Variants in RFX3 observed in about 807,000 individuals in gnomAD.
The protein encoded by RFX3 is transcription factor RFX3.
A neutral mutation model predicts 98.6 loss-of-function variants in RFX3; 14 were observed. The ratio of observed to expected loss-of-function variants is 0.14; its 90% confidence interval spans 0.09 to 0.22. The LOEUF is 0.22. Among genes scored for constraint, RFX3 ranks in the 10% least tolerant of loss-of-function variants. RFX3 has a pLI of 1.00. For missense variants in RFX3, 639 were observed against 926.9 expected (o/e 0.69, Z 4.03); for synonymous variants, 383 against 328.4 (o/e 1.17, Z -1.80).
At chr9:3,352,225 A>G (rs1342414657) in intron 2 of RFX3, among the ~76,000 whole-genome samples, 2 of 152,018 alleles carry the variant, frequency 1.3e-5, no homozygotes, top group African/African-American at 2.4e-5. Flanking sequence ...ATGAATATAT[A>G]AACATAAACA....
At chr9:3,288,313 G>A in intron 6 of RFX3, 63 bp from the exon 7 acceptor site, 2 of 1,501,364 alleles carry the variant, frequency 1.3e-6, no homozygotes, top group Non-Finnish European at 1.8e-6. Flanking sequence ...AATCACATGG[G>A]ATGTCCATTA....
At chr9:3,290,969 A>C (rs1255717889) in intron 6 of RFX3, among the ~76,000 whole-genome samples, 1 of 152,202 alleles carries the variant, frequency 6.6e-6, no homozygotes, top group Non-Finnish European at 1.5e-5. Flanking sequence ...TTCTCCTGAA[A>C]ATAGGTCATG....
At chr9:3,230,423 C>A (rs763865097) in intron 15 of RFX3, among the ~76,000 whole-genome samples, 1 of 152,110 alleles carries the variant, frequency 6.6e-6, no homozygotes, top group African/African-American at 2.4e-5. Flanking sequence ...ATACATCCCA[C>A]GGGGCAACAA....
At chr9:3,422,290 T>A (rs1587615330) in intron 1 of RFX3, among the ~76,000 whole-genome samples, 1 of 152,208 alleles carries the variant, frequency 6.6e-6, no homozygotes, top group East Asian at 1.9e-4. Flanking sequence ...TGTTCTACAT[T>A]CCCAAACTGA....
intron 1 of RFX3, among the ~76,000 whole-genome samples, chr9:3,399,887 T>G (rs1271290707): frequency 6.7e-6 from 1 of 150,110 alleles, no homozygotes; most frequent in African/African-American, 2.5e-5. Context: ...AGGCAGAGGT[T>G]GCGGTGAGCC....
At chr9:3,348,049 T>C (rs1159220161) in intron 2 of RFX3, among the ~76,000 whole-genome samples, 1 of 152,224 alleles carries the variant, frequency 6.6e-6, no homozygotes, top group Non-Finnish European at 1.5e-5. Flanking sequence ...AAACATGGTC[T>C]ACATAATAAT....
intron 2 of RFX3, among the ~76,000 whole-genome samples, chr9:3,365,837 T>C (rs1277556891): frequency 2.0e-5 from 3 of 152,036 alleles, no homozygotes; most frequent in East Asian, 2.0e-4. Flanking sequence ...TGTGTTTAAC[T>C]GTGTCTACAC....
chr9:3,400,875 T>G (rs1026204823), intron 1 of RFX3, among the ~76,000 whole-genome samples: 1 of 152,170 alleles, frequency 6.6e-6, no homozygotes, highest in Non-Finnish European at 1.5e-5. Flanking sequence ...ATTAAATAAC[T>G]TGCCAAAAGC....
intron 1 of RFX3, among the ~76,000 whole-genome samples, chr9:3,448,724 T>C (rs1225546579): frequency 6.6e-6 from 1 of 152,184 alleles, no homozygotes; most frequent in Non-Finnish European, 1.5e-5. Flanking sequence ...CTCACTATGT[T>C]GCCCAGGCTG....
chr9:3,245,124 G>C (rs1470854628), intron 15 of RFX3, among the ~76,000 whole-genome samples: 1 of 152,162 alleles, frequency 6.6e-6, no homozygotes, highest in Non-Finnish European at 1.5e-5. Flanking sequence ...AGAGAACTGT[G>C]CAATTAGTAT....
chr9:3,503,013 G>A (rs879016276), intron 1 of RFX3, among the ~76,000 whole-genome samples: 1 of 152,282 alleles, frequency 6.6e-6, no homozygotes, highest in East Asian at 1.9e-4. Flanking sequence ...AAACATGAGA[G>A]AAGACTCATT....
rs528402470 is a variant in RFX3 at position 3,380,595 on chromosome 9, T to C, written c.117+14877A>G. Among the ~76,000 whole-genome samples the C allele has an allele frequency of 2.6e-5, 4 of 152,334 alleles. No homozygotes were observed. In the South Asian group the frequency reaches 8.3e-4, roughly 32 times the overall value. On this transcript the variant is annotated intron_variant, in intron 2 of 16. Coordinates refer to ENST00000617270, the MANE Select transcript of RFX3 (RefSeq NM_001282116.2). The stretch of plus-strand genomic sequence containing the variant: ...GCATTTTGATTCACCTACATCTCAT[T>C]AGATCAAATTCAAGTCACTATCCCT...
intron 5 of RFX3, among the ~76,000 whole-genome samples, chr9:3,301,047 T>C (rs570268515): frequency 6.6e-5 from 10 of 151,946 alleles, no homozygotes; most frequent in Non-Finnish European, 1.5e-5. Context: ...AATTCAACTA[T>C]GGGGTTGTTT....
intron 1 of RFX3, among the ~76,000 whole-genome samples, chr9:3,487,258 C>T (rs1294190560): frequency 1.3e-5 from 2 of 152,084 alleles, no homozygotes; most frequent in Non-Finnish European, 2.9e-5. Context: ...GAAATTCAAG[C>T]AATATTTTAA....
chr9:3,394,415 A>G (rs1194445705), intron 2 of RFX3, among the ~76,000 whole-genome samples: 1 of 152,202 alleles, frequency 6.6e-6, no homozygotes, highest in Non-Finnish European at 1.5e-5. Flanking sequence ...GTGAGCCGAG[A>G]TGATGCCACT....
intron 1 of RFX3, among the ~76,000 whole-genome samples, chr9:3,410,209 G>GTGTGTGTGTGTGTGTGT (rs55715321): frequency 4.8e-4 from 71 of 148,468 alleles, no homozygotes; most frequent in East Asian, 1.4e-3. Context: ...GTGTGTGTGT[G>GTGTGTGTGTGTGTGTGT]GCGCTATCAA....
intron 1 of RFX3, among the ~76,000 whole-genome samples, chr9:3,490,924 T>C (rs1018864503): frequency 6.6e-5 from 10 of 152,164 alleles, no homozygotes; most frequent in African/African-American, 2.2e-4. Context: ...AGCAATGATA[T>C]ACAAACATAC....
chr9:3,304,498 C>T (rs1258799316), intron 4 of RFX3, among the ~76,000 whole-genome samples: 1 of 151,962 alleles, frequency 6.6e-6, no homozygotes, highest in African/African-American at 2.4e-5. Context: ...TTATATGTCT[C>T]TGTCCCCACC....
chr9:3,307,420 G>C (rs1289705641), intron 4 of RFX3, among the ~76,000 whole-genome samples: 1 of 152,092 alleles, frequency 6.6e-6, no homozygotes, highest in Non-Finnish European at 1.5e-5. Flanking sequence ...TATAATGTAG[G>C]ATAGGAGAGA....
Sources: gnomAD v4.1 joint callset for allele counts (sites outside exome capture counted in the v4.1 genomes callset) on GRCh38, gnomAD v4.1.1 for gene constraint, MANE v1.5 for transcripts, NCBI Gene and HGNC (gene_info 2026-07-23, HGNC 2026-07-21) for gene names.